Variants in PATJ observed in about 807,000 individuals in gnomAD.
PATJ encodes inaD-like protein.
In PATJ, 190 loss-of-function variants were observed where a neutral mutation model predicts 224.9. The ratio of observed to expected loss-of-function variants is 0.84; its 90% CI spans 0.75 to 0.95. PATJ has a LOEUF of 0.95. PATJ is among the 40% of genes least tolerant of loss of function. PATJ has a pLI of 0.00. For synonymous variants in PATJ, 769 were observed against 820.3 expected, an observed-to-expected ratio of 0.94 and a Z score of 1.07; for missense variants, 2,121 against 2,270.3, an observed-to-expected ratio of 0.93 and a Z score of 1.34.
intron 27 of PATJ, among the ~76,000 whole-genome samples, chr1:61,944,316 T>A (rs1678323609): frequency 6.6e-6 from 1 of 152,198 alleles, no homozygotes; most frequent in African/African-American, 2.4e-5. Context: ...GCAAAGAAGC[T>A]AAAATCCTTG....
At chr1:61,788,015 G>A (rs375552045) in intron 8 of PATJ, 43 bp downstream of exon 8, 3 of 1,461,856 alleles carry the variant, frequency 2.1e-6, no homozygotes, top group African/African-American at 1.4e-5. Context: ...CAAAGCCTGG[G>A]TGTGACACAC....
intron 27 of PATJ, among the ~76,000 whole-genome samples, chr1:61,945,018 A>G (rs1195424116): frequency 1.3e-5 from 2 of 152,150 alleles, no homozygotes; most frequent in East Asian, 1.9e-4. Flanking sequence ...TTACAGACAA[A>G]CAAATGCTAA....
chr1:62,015,417 G>A (rs1009799829), intron 28 of PATJ, among the ~76,000 whole-genome samples: 1 of 152,142 alleles, frequency 6.6e-6, no homozygotes, highest in African/African-American at 2.4e-5. Flanking sequence ...GCATTATCTT[G>A]TTTAATTCTC....
chr1:61,947,421 A>G (rs1008032702), intron 27 of PATJ, among the ~76,000 whole-genome samples: 5 of 152,004 alleles, frequency 3.3e-5, no homozygotes, highest in Non-Finnish European at 2.9e-5. Context: ...TTATACACCA[A>G]TAATGGACAG....
chr1:62,006,763 C>T (rs1241693441), intron 28 of PATJ, among the ~76,000 whole-genome samples: 3 of 152,120 alleles, frequency 2.0e-5, no homozygotes, highest in Admixed American at 1.3e-4. Flanking sequence ...AATGAAAATC[C>T]GTTATAATAT....
At chr1:61,944,254 C>T (rs569510037) in intron 27 of PATJ, among the ~76,000 whole-genome samples, 16 of 152,206 alleles carry the variant, frequency 1.1e-4, no homozygotes, top group South Asian at 4.1e-4. Context: ...AGGCTTCAGA[C>T]GATTGGTAAT....
intron 28 of PATJ, among the ~76,000 whole-genome samples, chr1:62,010,971 C>G (rs562259428): frequency 6.6e-6 from 1 of 152,310 alleles, no homozygotes; most frequent in East Asian, 1.9e-4. Flanking sequence ...CCTCTGCTAG[C>G]TTCAAACAAC....
intron 33 of PATJ, chr1:62,100,198 G>T (rs977691258): frequency 1.8e-6 from 1 of 547,828 alleles, no homozygotes; most frequent in Non-Finnish European, 3.4e-6. Flanking sequence ...TGGGTATTTT[G>T]GTTGTGTGTC....
At chr1:61,918,009 GC>G (rs1673691190) in intron 26 of PATJ, 1 of 149,852 alleles carries the variant, frequency 6.7e-6, no homozygotes, top group African/African-American at 2.5e-5. Flanking sequence ...CCAAGATGGC[GC>G]CACTGCACTC....
intron 27 of PATJ, among the ~76,000 whole-genome samples, chr1:61,953,257 A>T (rs1053866518): frequency 6.6e-6 from 1 of 152,354 alleles, no homozygotes. Context: ...CATAAGTATT[A>T]TTGCCTAAGG....
intron 14 of PATJ, among the ~76,000 whole-genome samples, chr1:61,815,613 G>A (rs1164063427): frequency 1.3e-5 from 2 of 152,156 alleles, no homozygotes; most frequent in Non-Finnish European, 2.9e-5. Flanking sequence ...AGCACTTTGG[G>A]AGGCTGAGGC....
intron 20 of PATJ, among the ~76,000 whole-genome samples, 164 bp from the exon 21 acceptor site, chr1:61,875,079 G>A (rs961081909): frequency 5.3e-5 from 8 of 152,184 alleles, no homozygotes; most frequent in Non-Finnish European, 1.0e-4. Context: ...TGCAGATATT[G>A]TTACCAGCAT....
chr1:61,777,268 T>G (rs918879963), intron 7 of PATJ, among the ~76,000 whole-genome samples: 1 of 152,026 alleles, frequency 6.6e-6, no homozygotes, highest in African/African-American at 2.4e-5. Flanking sequence ...CCCTAATACT[T>G]AAAAGCTTTT....
At position 61,827,402 on chromosome 1, in the gene PATJ, T is replaced by G. The variant is rs778738889; in HGVS notation, c.1819-20T>G. 1 of 1,610,676 alleles carries G rather than the reference T, an allele frequency of 6.2e-7. No individual in the cohort carries two copies. The highest frequency in any genetic ancestry group is 1.1e-5 in the South Asian group (1 of 90,514). Reference sequence around the variant, plus strand: ...CATTTGGGGCTGGCTCAGTTCTGACTTATCCCCTTGTCTTCCTAGGTCAAT... The same window carrying G: ...CATTTGGGGCTGGCTCAGTTCTGACGTATCCCCTTGTCTTCCTAGGTCAAT... On this transcript the variant is annotated intron_variant, in intron 15 of 43. Coordinates refer to ENST00000642238, the MANE Select transcript of PATJ (RefSeq NM_001350145.3).
rs991257234 is a variant in PATJ at position 61,952,272 on chromosome 1, GAGAGAGAA to G, written c.3670+24445_3670+24452del. The G allele has an allele frequency of 2.1e-4, 132 of 615,342 alleles. 1 individual carries two copies. The highest frequency in any genetic ancestry group is 8.3e-4 in the African/African-American group (44 of 53,252). 38.1% of individuals were successfully genotyped at this position (615,342 alleles called of 1,614,324 possible). A position where few individuals can be genotyped will look rare whatever the true frequency, so the allele number is the denominator to read the frequency against. On this transcript the variant is annotated intron_variant, in intron 27 of 43. Transcript: ENST00000642238. The stretch of plus-strand genomic sequence containing the variant: ...AAAATCTGAGAGAGAGAGAGAGAGA[GAGAGAGAA>G]AAATAGGCCCAAGGTCGTCAGAAGA...
chr1:61,923,459 T>A (rs1674630249), intron 26 of PATJ, among the ~76,000 whole-genome samples: 1 of 152,300 alleles, frequency 6.6e-6, no homozygotes, highest in African/African-American at 2.4e-5. Context: ...GACTAATCTA[T>A]CTCTTTAAAA....
At chr1:61,760,188 G>GT (rs1645885457) in intron 1 of PATJ, among the ~76,000 whole-genome samples, 1 of 152,082 alleles carries the variant, frequency 6.6e-6, no homozygotes, top group African/African-American at 2.4e-5. Context: ...CATCAGAAGT[G>GT]TTTTTTTGAT....
At chr1:61,832,178 G>T (rs1294191382) in intron 16 of PATJ, among the ~76,000 whole-genome samples, 2 of 152,062 alleles carry the variant, frequency 1.3e-5, no homozygotes, top group Non-Finnish European at 2.9e-5. Context: ...CTACTTGGGG[G>T]TAGAGGGTAG....
chr1:62,125,839 G>A (rs149855902), intron 39 of PATJ, among the ~76,000 whole-genome samples: 155 of 151,862 alleles, frequency 1.0e-3, no homozygotes, highest in African/African-American at 3.6e-3. Context: ...GTGCAATCTC[G>A]GCTCACTGAA....
Sources: gnomAD v4.1 joint callset for allele counts (sites outside exome capture counted in the v4.1 genomes callset) on GRCh38, gnomAD v4.1.1 for gene constraint, MANE v1.5 for transcripts, NCBI Gene and HGNC (gene_info 2026-07-23, HGNC 2026-07-21) for gene names.